TF: variants seen among roughly 807,000 people sequenced by gnomAD.
The protein encoded by TF is transferrin, also known as serotransferrin.
Under a neutral mutation model 82.4 loss-of-function variants are expected in TF, and 55 were observed. The ratio of observed to expected loss-of-function variants is 0.67; its 90% CI spans 0.54 to 0.84. TF has a LOEUF of 0.84. Ranked by LOEUF, TF falls within the 40% of genes least tolerant of loss-of-function variation. TF has a pLI of 0.00. For synonymous variants in TF, 332 were observed against 332.6 expected (o/e 1.00, Z 0.02); for missense variants, 737 against 868.4 (o/e 0.85, Z 1.90).
intron 6 of TF, 115 bp from the exon 7 acceptor site, chr3:133,756,716 A>T: frequency 7.6e-7 from 1 of 1,317,640 alleles, no homozygotes. Flanking sequence ...TCTGGCCTTC[A>T]GTGCTCACTC....
At chr3:133,721,265 C>G in the TF span, among the ~76,000 whole-genome samples, 2 of 152,046 alleles carry the variant, frequency 1.3e-5, no homozygotes, top group African/African-American at 4.8e-5. Context: ...TTTGCTGTGT[C>G]TCATAGGTTT....
At chr3:133,723,575 T>G in the TF span, among the ~76,000 whole-genome samples, 5 of 149,242 alleles carry the variant, frequency 3.4e-5, no homozygotes, top group Admixed American at 2.0e-4. Context: ...GATGAAGCAC[T>G]TAATTGTATT....
intron 15 of TF, 37 bp downstream of exon 15, chr3:133,775,654 A>G (rs1934371089): frequency 1.9e-6 from 3 of 1,607,590 alleles, no homozygotes; most frequent in Admixed American, 1.7e-5. Context: ...TTTTCTTCCT[A>G]GATGGCCATA....
At chr3:133,683,755 A>G in the TF span, among the ~76,000 whole-genome samples, 1 of 152,188 alleles carries the variant, frequency 6.6e-6, no homozygotes, top group South Asian at 2.1e-4. Flanking sequence ...TAATAATGGG[A>G]GACTTTAACA....
the TF span, among the ~76,000 whole-genome samples, chr3:133,735,830 T>C: frequency 6.6e-6 from 1 of 152,166 alleles, no homozygotes; most frequent in Non-Finnish European, 1.5e-5. Context: ...CTACATTTGA[T>C]TTGTGTACCT....
rs1295100417 is a variant in TF, at chr3:133,791,441, G to C, written c.*12821G>C. On this transcript the variant is annotated 3_prime_UTR_variant, in exon 17 of 17. Transcript: ENST00000402696. ...AGAAACCTGGCATACTGGCAAAAGG[G>C]TAAGAATTTCTTACCAGCCAGACTC... 6.6e-6 allele frequency: 1 copy of C among 152,128 alleles called. No individual in the cohort carries two copies. Among genetic ancestry groups the C allele is most frequent in the African/African-American group, 2.4e-5 (1 of 41,410 alleles). 9.4% of individuals were successfully genotyped at this position (152,128 alleles called of 1,614,324 possible).
At chr3:133,707,774 T>C in the TF span, 2 of 152,218 alleles carry the variant, frequency 1.3e-5, no homozygotes, top group African/African-American at 4.8e-5. Flanking sequence ...CAGTTCAACC[T>C]AACTCAACAA....
At chr3:133,684,059 T>G in the TF span, among the ~76,000 whole-genome samples, 2 of 152,280 alleles carry the variant, frequency 1.3e-5, no homozygotes, top group African/African-American at 4.8e-5. Context: ...CACTCAAAAC[T>G]GCTCAACTAC....
In TF at chr3:133,778,711, GC is replaced by G; in HGVS notation, c.*92del. ...GGTTTCACTGGCCCAAGTGGTTTGT[GC>G]TAACCACGTCTGTCTTCACAGCTCT... On this transcript the variant is annotated 3_prime_UTR_variant, in exon 17 of 17. Transcript: ENST00000402696. 7.4e-7 allele frequency: 1 copy of G among 1,354,320 alleles called. No individual in the cohort carries two copies. The highest frequency in any genetic ancestry group is 2.0e-4 in the Middle Eastern group (1 of 4,988). The allele number at this position is 1,354,320 out of a possible 1,614,324, so 83.9% of individuals were successfully genotyped here.
Position 133,759,328 on chromosome 3 carries a change from T to A in TF, c.1202T>A (p.Met401Lys). ...ACCGAAGACTGCATCGCCAAGATCATGGTATGTCACTCCAGCCTTCCTAGG... is the reference window on the plus strand; with the variant it reads ...ACCGAAGACTGCATCGCCAAGATCAAGGTATGTCACTCCAGCCTTCCTAGG... The part of the protein sequence containing the change: ...ETTEDCIAKI[M>K]NGEADAMSLD... Residue 401 changes from methionine to lysine, a missense_variant and splice_region_variant, in exon 9 of 17, where the codon ATG (methionine) becomes AAG (lysine). By Grantham distance (95) the Met-to-Lys change is moderately conservative (BLOSUM62 -1). Transcript: ENST00000402696. 6.2e-7 allele frequency: 1 copy of A among 1,613,428 alleles called. No individual in the cohort carries two copies. Among genetic ancestry groups the A allele is most frequent in the Non-Finnish European group, 8.5e-7 (1 of 1,179,980 alleles).
rs1026246210 is a variant in TF at position 133,781,343 on chromosome 3, A to C, written c.*2723A>C. On this transcript the variant is annotated 3_prime_UTR_variant, in exon 17 of 17. Transcript: ENST00000402696. Reference sequence around the variant, plus strand: ...AAATAATAAAAATAATAATAATAATAAATAAAGTGGTAAAAGTGGTAAGAT... The same window carrying C: ...AAATAATAAAAATAATAATAATAATCAATAAAGTGGTAAAAGTGGTAAGAT... 5.9e-5 allele frequency: 9 copies of C among 151,942 alleles called. No individual in the cohort carries two copies. Among genetic ancestry groups the C allele is most frequent in the African/African-American group, 1.9e-4 (8 of 41,406 alleles). The allele number at this position is 151,942 out of a possible 1,614,324, so 9.4% of individuals were successfully genotyped here.
chr3:133,740,490 C>T, the TF span, among the ~76,000 whole-genome samples: 2 of 151,988 alleles, frequency 1.3e-5, no homozygotes, highest in East Asian at 3.9e-4. Context: ...GCTACCATGC[C>T]CGGCTAATTT....
the TF span, among the ~76,000 whole-genome samples, chr3:133,735,985 A>G: frequency 6.6e-6 from 1 of 152,182 alleles, no homozygotes; most frequent in African/African-American, 2.4e-5. Flanking sequence ...AAAAAGACCA[A>G]CCACAAGCCA....
rs530174128 is a variant in TF, at chr3:133,788,705, C to G, written c.*10085C>G. On this transcript the variant is annotated 3_prime_UTR_variant, in exon 17 of 17. Transcript: ENST00000402696. ...GGCAGCGCCTAAACACGGAGGCAACCGCAGGTTTCTGGGTGGGGCCATCCT... is the reference window on the plus strand; with the variant it reads ...GGCAGCGCCTAAACACGGAGGCAACGGCAGGTTTCTGGGTGGGGCCATCCT... 1 of 152,154 alleles carries G rather than the reference C, an allele frequency of 6.6e-6. No homozygotes were observed. Among genetic ancestry groups the G allele is most frequent in the Non-Finnish European group, 1.5e-5 (1 of 68,074 alleles). 9.4% of individuals were successfully genotyped at this position (152,154 alleles called of 1,614,324 possible).
the TF span, chr3:133,712,932 A>G: frequency 6.6e-6 from 1 of 152,586 alleles, no homozygotes; most frequent in African/African-American, 2.4e-5. Context: ...AAACAGAACT[A>G]CTGCAAACTT....
chr3:133,738,924 A>C, the TF span, among the ~76,000 whole-genome samples: 1 of 152,234 alleles, frequency 6.6e-6, no homozygotes, highest in African/African-American at 2.4e-5. Flanking sequence ...ATCCCCATCA[A>C]GTTACCATTA....
intron 13 of TF, 52 bp downstream of exon 13, chr3:133,768,216 A>T: frequency 6.2e-7 from 1 of 1,609,480 alleles, no homozygotes; most frequent in Non-Finnish European, 8.5e-7. Context: ...CCCTGGCCAG[A>T]TTTCTTTTAG....
At chr3:133,748,847 C>T (rs549591840) in intron 2 of TF, among the ~76,000 whole-genome samples, 3 of 152,120 alleles carry the variant, frequency 2.0e-5, no homozygotes, top group South Asian at 4.2e-4. Context: ...GTTCTCTGAA[C>T]TTGGCGAAAA....
chr3:133,775,209 G>T (rs1200685309), intron 14 of TF: 17 of 600,494 alleles, frequency 2.8e-5, no homozygotes, highest in Non-Finnish European at 4.8e-5. Context: ...GGTAGGGAAG[G>T]TTGGAAGGGG....
Sources: gnomAD v4.1 joint callset for allele counts (sites outside exome capture counted in the v4.1 genomes callset) on GRCh38, gnomAD v4.1.1 for gene constraint, MANE v1.5 for transcripts, NCBI Gene and HGNC (gene_info 2026-07-23, HGNC 2026-07-21) for gene names.